The following P4HA3 variants were observed in gnomAD, a reference collection of about 807,000 sequenced individuals.
P4HA3 encodes prolyl 4-hydroxylase subunit alpha-3.
P4HA3 carries 60 observed loss-of-function variants against 66.7 expected under a neutral mutation model. The observed-to-expected ratio is 0.90, with a 90% confidence interval of 0.73 to 1.12. The LOEUF is 1.12. P4HA3 is among the 50% of genes most tolerant of loss of function. P4HA3 has a pLI of 0.00. For synonymous variants in P4HA3, 263 were observed against 274.6 expected (o/e 0.96, Z 0.42); for missense variants, 683 against 685.8 (o/e 1.00, Z 0.05).
At chr11:74,294,206 A>G (rs1300996484) in intron 4 of P4HA3, among the ~76,000 whole-genome samples, 1 of 152,114 alleles carries the variant, frequency 6.6e-6, no homozygotes, top group Non-Finnish European at 1.5e-5. Flanking sequence ...TTCGTCTTCC[A>G]TCACTGATAC....
At chr11:74,266,384 G>C (rs1203518930), downstream of P4HA3, among the ~76,000 whole-genome samples, 2 of 152,106 alleles carry the variant, frequency 1.3e-5, no homozygotes. Flanking sequence ...CATATACTTT[G>C]TCACCTCTAG....
In P4HA3 at chr11:74,311,531, C is replaced by T. The variant is rs977027713; in HGVS notation, c.81G>A (p.Arg27=). 9.1e-6 allele frequency: 14 copies of T among 1,543,366 alleles called. No homozygotes were observed. In the African/African-American group the frequency reaches 1.7e-4, roughly 19 times the overall value. Residue 27 remains arginine, a synonymous_variant, in exon 1 of 13, where the codon CGG becomes CGA. Coordinates refer to ENST00000331597, the MANE Select transcript of P4HA3 (RefSeq NM_182904.5). ...TGGTCAGCGCCGAGAACGTGTCGCC[C>T]CGAGCCGCAGCCCTTTCTGGGTCTC... ...GTGDPERAAA[R]GDTFSALTSV...
At chr11:74,286,535 G>C (rs532358072) in intron 5 of P4HA3, 144 bp from the exon 6 acceptor site, 2 of 647,554 alleles carry the variant, frequency 3.1e-6, no homozygotes, top group Non-Finnish European at 4.7e-6. Flanking sequence ...CAACACACAG[G>C]AGGATGCAAG....
At chr11:74,293,545 T>G (rs1009060858) in intron 4 of P4HA3, among the ~76,000 whole-genome samples, 4 of 152,254 alleles carry the variant, frequency 2.6e-5, no homozygotes, top group Non-Finnish European at 4.4e-5. Context: ...ATAGCCTCGA[T>G]GGTCTTTACA....
intron 1 of P4HA3, among the ~76,000 whole-genome samples, chr11:74,310,256 G>T (rs1395193208): frequency 6.6e-6 from 1 of 152,182 alleles, no homozygotes; most frequent in Non-Finnish European, 1.5e-5. Flanking sequence ...ATTTTTGTCA[G>T]TTGGACACTG....
rs774979309 is a variant in P4HA3, at chr11:74,311,627, A to C, written c.-16T>G. On this transcript the variant is annotated 5_prime_UTR_variant, in exon 1 of 13. Transcript: ENST00000331597. ...CAGGACCCATAGCCAGCGCTCGCGA[A>C]CTTCCCCTCAGACAGTCCTGGCCGC... 5 of 1,483,004 alleles carry C rather than the reference A, an allele frequency of 3.4e-6. No homozygotes were observed. The Admixed American group carries it at 7.2e-5, about 21-fold the overall frequency. 91.9% of individuals were successfully genotyped at this position (1,483,004 alleles called of 1,614,324 possible).
At chr11:74,263,450 C>T (rs757100118), downstream of P4HA3, among the ~76,000 whole-genome samples, 1 of 152,182 alleles carries the variant, frequency 6.6e-6, no homozygotes, top group East Asian at 1.9e-4. Flanking sequence ...GAAGTGACAG[C>T]AAAATAACAT....
intron 15 of P4HA3, chr11:74,250,355 A>T (rs992938210): frequency 1.3e-5 from 2 of 152,894 alleles, no homozygotes; most frequent in Admixed American, 1.3e-4. Flanking sequence ...GCTTAGTACA[A>T]TGCCTGGCAC....
chr11:74,251,708 T>C (rs775253017), intron 15 of P4HA3: 1 of 1,614,004 alleles, frequency 6.2e-7, no homozygotes, highest in Non-Finnish European at 8.5e-7. Flanking sequence ...CATCGGTGGA[T>C]TCCAGTGGTA....
chr11:74,297,941 T>C (rs1255852662), intron 4 of P4HA3, among the ~76,000 whole-genome samples: 1 of 152,184 alleles, frequency 6.6e-6, no homozygotes, highest in Non-Finnish European at 1.5e-5. Flanking sequence ...GAAATAATGA[T>C]TGTAAAGTAG....
intron 4 of P4HA3, among the ~76,000 whole-genome samples, chr11:74,293,749 T>G (rs1261176555): frequency 6.6e-6 from 1 of 152,200 alleles, no homozygotes; most frequent in Non-Finnish European, 1.5e-5. Flanking sequence ...GAAAATTCTT[T>G]TCTTTAAGAA....
chr11:74,289,234 CAT>C lies in P4HA3; in HGVS notation c.718-106_718-105del, dbSNP rs931445044. Reference sequence around the variant, plus strand: ...AAAAAAAAAGATAAAATATTCTTACCATAAGTAGATAATAAGGCTCACTGAAA... The same window carrying C: ...AAAAAAAAAGATAAAATATTCTTACCAAGTAGATAATAAGGCTCACTGAAA... On this transcript the variant is annotated intron_variant, in intron 4 of 12. Transcript: ENST00000331597. 2.9e-6 allele frequency: 3 copies of C among 1,026,666 alleles called. No homozygotes were observed. The African/African-American group carries it at 5.1e-5, about 17-fold the overall frequency. 63.6% of individuals were successfully genotyped at this position (1,026,666 alleles called of 1,614,324 possible). A position where few individuals can be genotyped will look rare whatever the true frequency, so the allele number is the denominator to read the frequency against.
At position 74,267,139 on chromosome 11, in the gene P4HA3, AG is replaced by A. The variant is rs761200820; in HGVS notation, c.*108del. On this transcript the variant is annotated 3_prime_UTR_variant, in exon 13 of 13. Transcript: ENST00000331597. Reference sequence around the variant, plus strand: ...TTGCGAGGCACAGACAAAGCTGACAAGGCCTTCTTCCAGGAGGCTGCTCTGC... The same window carrying A: ...TTGCGAGGCACAGACAAAGCTGACAAGCCTTCTTCCAGGAGGCTGCTCTGC... 6.4e-7 allele frequency: 1 copy of A among 1,570,306 alleles called. No homozygotes were observed. The highest frequency in any genetic ancestry group is 2.3e-5 in the East Asian group (1 of 43,948).
chr11:74,281,298 T>C (rs1250382362), intron 7 of P4HA3, among the ~76,000 whole-genome samples: 1 of 151,432 alleles, frequency 6.6e-6, no homozygotes, highest in Non-Finnish European at 1.5e-5. Flanking sequence ...AGTTCAACCA[T>C]TGTGGAAGTC....
downstream of P4HA3, among the ~76,000 whole-genome samples, chr11:74,262,017 T>C (rs1056522967): frequency 6.6e-6 from 1 of 152,134 alleles, no homozygotes; most frequent in African/African-American, 2.4e-5. Flanking sequence ...TGCCCTCCAG[T>C]CCCATAACGT....
rs767611321 is a variant in P4HA3 at position 74,298,261 on chromosome 11, T to A, written c.668A>T (p.Glu223Val). ...ATCCAAGGCATCTTCTAGACTTGCC[T>A]CATCCTCTGTCTTCCACTCTCCGTA... ...GSYGEWKTED[E>V]ASLEDALDHL... The change falls in exon 4 of 13, where the codon GAG becomes GTG. Residue 223 changes from glutamate to valine, a missense_variant. Transcript: ENST00000331597. The A allele has an allele frequency of 1.2e-6, 2 of 1,614,118 alleles. No individual in the cohort carries two copies.
chr11:74,277,127 G>C lies in P4HA3; in HGVS notation c.1193C>G (p.Thr398Ser), dbSNP rs377400388. The change falls in exon 9 of 13, where the codon ACT becomes AGT. Residue 398 changes from threonine (T) to serine (S), a missense_variant. By Grantham distance (58) the Thr-to-Ser change is moderately conservative (BLOSUM62 1). Transcript: ENST00000331597. ...GAGGGTCACCAGTTTTGGGTCAACA[G>C]TGTCCTTCAGCCAGGCACTAAAACA... ...RISKSAWLKD[T>S]VDPKLVTLNH... 5.0e-6 allele frequency: 8 copies of C among 1,613,750 alleles called. No homozygotes were observed. Among genetic ancestry groups the C allele is most frequent in the African/African-American group, 4.0e-5 (3 of 74,916 alleles).
rs569029285 is a variant in P4HA3, at chr11:74,273,418, C to T, written c.1398+127G>A. On this transcript the variant is annotated intron_variant, in intron 10 of 12. Transcript: ENST00000331597. ...CCTATCAAAAATGCTGTCTGAAATT[C>T]GCAAAATTCCTGGAGATTTTTGCGC... 3.0e-5 allele frequency: 24 copies of T among 801,538 alleles called. No individual in the cohort carries two copies. In the African/African-American group the frequency reaches 3.4e-4, roughly 11 times the overall value. 49.7% of individuals were successfully genotyped at this position (801,538 alleles called of 1,614,324 possible). A position where few individuals can be genotyped will look rare whatever the true frequency, so the allele number is the denominator to read the frequency against.
chr11:74,310,352 C>T (rs1333624858), intron 1 of P4HA3, among the ~76,000 whole-genome samples: 1 of 152,224 alleles, frequency 6.6e-6, no homozygotes, highest in Non-Finnish European at 1.5e-5. Flanking sequence ...AGTTTGTTGA[C>T]TGTACCCCAA....
Sources: gnomAD v4.1 joint callset for allele counts (sites outside exome capture counted in the v4.1 genomes callset) on GRCh38, gnomAD v4.1.1 for gene constraint, MANE v1.5 for transcripts, NCBI Gene and HGNC (gene_info 2026-07-23, HGNC 2026-07-21) for gene names.